The following SFSWAP variants were observed in gnomAD, a reference collection of about 807,000 sequenced individuals.
SFSWAP encodes the protein splicing factor, suppressor of white-apricot homolog.
SFSWAP carries 17 observed loss-of-function variants against 100.7 expected under a neutral mutation model. The ratio of observed to expected loss-of-function variants is 0.17; its 90% confidence interval spans 0.12 to 0.25. The LOEUF (loss-of-function observed/expected upper bound fraction) is 0.25, where lower values mean the gene tolerates loss of function less well. Among genes scored for constraint, SFSWAP ranks in the 10% least tolerant of loss-of-function variants. SFSWAP has a pLI of 1.00. For synonymous variants in SFSWAP, 504 were observed against 510.1 expected, an observed-to-expected ratio of 0.99 and a Z score of 0.16; for missense variants, 1,005 against 1,262.6, an observed-to-expected ratio of 0.80 and a Z score of 3.09.
intron 15 of SFSWAP, among the ~76,000 whole-genome samples, chr12:131,789,061 G>A (rs978707116): frequency 2.4e-4 from 37 of 151,946 alleles, no homozygotes; most frequent in African/African-American, 8.9e-4. Context: ...GCTCACTGCG[G>A]CCTCAACCTC....
intron 15 of SFSWAP, among the ~76,000 whole-genome samples, chr12:131,787,292 G>A (rs1263475194): frequency 7.0e-6 from 1 of 142,104 alleles, no homozygotes; most frequent in Non-Finnish European, 1.5e-5. Flanking sequence ...TCCACCATCT[G>A]TCCGCTCACC....
Position 131,733,522 on chromosome 12 carries a change from C to A in SFSWAP, c.1081+5094C>A, listed in dbSNP as rs1879709670. 6.6e-6 allele frequency among the ~76,000 whole-genome samples: 1 copy of A among 152,028 alleles called. No homozygotes were observed. On this transcript the variant is annotated intron_variant, in intron 7 of 17. Coordinates refer to ENST00000261674, the MANE Select transcript of SFSWAP (RefSeq NM_004592.4). The surrounding 1 kb of genome is among the most constrained non-coding windows in gnomAD (Gnocchi z 5.1). ...AGGGCCACAGGAGCAGGGCTTCCTCCTTGCCTCTGAGCAGTGGAGCCAAGG... is the reference window on the plus strand; with the variant it reads ...AGGGCCACAGGAGCAGGGCTTCCTCATTGCCTCTGAGCAGTGGAGCCAAGG...
In SFSWAP at chr12:131,764,568, A is replaced by C. The variant is rs1221728226; in HGVS notation, c.1833A>C (p.Lys611Asn). The C allele has an allele frequency of 1.2e-6, 2 of 1,614,126 alleles. No individual in the cohort carries two copies. Among genetic ancestry groups the C allele is most frequent in the Non-Finnish European group, 1.7e-6 (2 of 1,180,038 alleles). Residue 611 changes from lysine (K) to asparagine (N), a missense_variant, in exon 12 of 18, where the codon AAA (lysine) becomes AAC (asparagine). Physicochemically the swap from Lys to Asn is moderately conservative, Grantham distance 94. Around this residue, in one of 7 missense-constraint regions of SFSWAP, gnomAD observed 82 missense variants for 131.0 expected, o/e 0.63. Transcript: ENST00000261674. Reference sequence around the variant, plus strand: ...ACAGTGATGATGATGAAGAAAGCAAAGAAGGCCAAGAAAGTTCTAGTAGTG... The same window carrying C: ...ACAGTGATGATGATGAAGAAAGCAACGAAGGCCAAGAAAGTTCTAGTAGTG... ...DDDSDDDEES[K>N]EGQESSSSAA...
rs1461621748 is a variant in SFSWAP, at chr12:131,734,022, T to C, written c.1081+5594T>C. On this transcript the variant is annotated intron_variant, in intron 7 of 17. Coordinates refer to ENST00000261674, the MANE Select transcript of SFSWAP (RefSeq NM_004592.4). This position sits in a 1 kb window ranked among gnomAD's most constrained non-coding sequence, Gnocchi z 4.9. The stretch of plus-strand genomic sequence containing the variant: ...CTGTGTGTGGCTTGCCACCATCATT[T>C]GGGAACTATTCTTCTGTCCTAGGTG... Among the ~76,000 whole-genome samples the C allele has an allele frequency of 6.6e-6, 1 of 152,186 alleles. No individual in the cohort carries two copies. The highest frequency in any genetic ancestry group is 1.5e-5 in the Non-Finnish European group (1 of 68,012).
chr12:131,754,300 C>T (rs1000031607), intron 8 of SFSWAP, 68 bp from the exon 9 acceptor site: 6 of 1,345,980 alleles, frequency 4.5e-6, no homozygotes, highest in Non-Finnish European at 5.9e-6. Context: ...GTGAGGACCC[C>T]CGAGCAGCCA....
intron 4 of SFSWAP, among the ~76,000 whole-genome samples, chr12:131,724,628 GTGGCTTTCAGCCTTTGGTCTAACA>G (rs1429657379): frequency 6.6e-6 from 1 of 152,222 alleles, no homozygotes; most frequent in East Asian, 1.9e-4. Context: ...TTTTAGATGT[GTGGCTTTCAGCCTTTGGTCTAACA>G]AGATCCATTT....
At chr12:131,715,942 C>G (rs957591040) in intron 3 of SFSWAP, among the ~76,000 whole-genome samples, 1 of 152,218 alleles carries the variant, frequency 6.6e-6, no homozygotes, top group East Asian at 1.9e-4. Context: ...TCAAGTGATC[C>G]TACTGCCTTG....
chr12:131,769,348 C>T (rs973951020), intron 13 of SFSWAP, among the ~76,000 whole-genome samples: 4 of 152,080 alleles, frequency 2.6e-5, no homozygotes, highest in South Asian at 2.1e-4. Flanking sequence ...CAGTGGCGTA[C>T]GGGTTCTCAT....
chr12:131,746,461 A>T (rs1881110577), intron 7 of SFSWAP, among the ~76,000 whole-genome samples: 1 of 152,184 alleles, frequency 6.6e-6, no homozygotes, highest in Non-Finnish European at 1.5e-5. Flanking sequence ...ATTTGGTGAA[A>T]TTGACAGCTG....
At chr12:131,715,971 A>G (rs1376047822) in intron 3 of SFSWAP, among the ~76,000 whole-genome samples, 1 of 152,208 alleles carries the variant, frequency 6.6e-6, no homozygotes, top group Non-Finnish European at 1.5e-5. Flanking sequence ...AAGCACTGGG[A>G]TTACAGGCAT....
chr12:131,742,549 G>C (rs555870741), intron 7 of SFSWAP, among the ~76,000 whole-genome samples: 1 of 151,770 alleles, frequency 6.6e-6, no homozygotes, highest in Non-Finnish European at 1.5e-5. Flanking sequence ...TGACAAATGA[G>C]TAATCTTGCA....
chr12:131,753,461 A>G, intron 8 of SFSWAP, 98 bp downstream of exon 8: 2 of 1,439,726 alleles, frequency 1.4e-6, no homozygotes, highest in South Asian at 1.4e-5. Context: ...AATCTAGATC[A>G]TATACAGGGG....
At position 131,725,649 on chromosome 12, in the gene SFSWAP, G is replaced by C. The variant is rs754541610; in HGVS notation, c.832+19G>C. 1 of 1,582,474 alleles carries C rather than the reference G, an allele frequency of 6.3e-7. No individual in the cohort carries two copies. Among genetic ancestry groups the C allele is most frequent in the Non-Finnish European group, 8.6e-7 (1 of 1,157,388 alleles). On this transcript the variant is annotated intron_variant, in intron 5 of 17. Transcript: ENST00000261674. The surrounding 1 kb of genome is among the most constrained non-coding windows in gnomAD (Gnocchi z 4.3). The stretch of plus-strand genomic sequence containing the variant: ...AAAAAAAGTAGGTCCCACTGCGTCT[G>C]TTCCGTCCAGACTTTGGGCCTGTGT...
chr12:131,796,887 A>G (rs1885716119), intron 15 of SFSWAP: 1 of 328,860 alleles, frequency 3.0e-6, no homozygotes, highest in African/African-American at 2.1e-5. Context: ...GCAAAGCACT[A>G]TGAACTGCCT....
intron 3 of SFSWAP, among the ~76,000 whole-genome samples, chr12:131,716,656 C>T (rs1877943916): frequency 6.6e-6 from 1 of 152,234 alleles, no homozygotes. Context: ...TATTGGAACA[C>T]AGCAATGCTC....
chr12:131,746,135 A>C (rs1027750186), intron 7 of SFSWAP, among the ~76,000 whole-genome samples: 2 of 152,182 alleles, frequency 1.3e-5, no homozygotes, highest in African/African-American at 4.8e-5. Flanking sequence ...TGAATTGGAG[A>C]GGAGATCTCA....
In SFSWAP at chr12:131,747,103, C is replaced by CAAAAAAAAAAAAAAAA. The variant is rs398021689; in HGVS notation, c.1082-6019_1082-6004dup. On this transcript the variant is annotated intron_variant, in intron 7 of 17. Transcript: ENST00000261674. Reference sequence around the variant, plus strand: ...TGGGCAACAGAGCGAGACTCTGTCTCAAAAAAAAAAAAAAAAGCTCATGCC... The same window carrying CAAAAAAAAAAAAAAAA: ...TGGGCAACAGAGCGAGACTCTGTCTCAAAAAAAAAAAAAAAAAAAAAAAAAAAAAAAAGCTCATGCC... 3.1e-5 allele frequency among the ~76,000 whole-genome samples: 3 copies of CAAAAAAAAAAAAAAAA among 96,914 alleles called. 1 individual carries two copies. Among genetic ancestry groups the CAAAAAAAAAAAAAAAA allele is most frequent in the Non-Finnish European group, 2.0e-5 (1 of 49,626 alleles). 63.6% of individuals were successfully genotyped at this position (96,914 alleles called of 152,430 possible).
chr12:131,735,715 C>T (rs1485858972), intron 7 of SFSWAP, among the ~76,000 whole-genome samples: 1 of 152,246 alleles, frequency 6.6e-6, no homozygotes, highest in East Asian at 1.9e-4. Flanking sequence ...GAGCAGAGCC[C>T]TGACTTCCAG....
chr12:131,759,707 C>A (rs1292978335), intron 11 of SFSWAP, among the ~76,000 whole-genome samples: 1 of 151,248 alleles, frequency 6.6e-6, no homozygotes, highest in Non-Finnish European at 1.5e-5. Flanking sequence ...GAGGCTGAGG[C>A]AGGAGAATGG....
Sources: gnomAD v4.1 joint callset for allele counts (sites outside exome capture counted in the v4.1 genomes callset) on GRCh38, gnomAD v4.1.1 for gene constraint, gnomAD v4.1.1 regional missense constraint, Gnocchi (gnomAD v3.1) non-coding constraint, MANE v1.5 for transcripts, NCBI Gene and HGNC (gene_info 2026-07-23, HGNC 2026-07-21) for gene names.